LDLRAD4: variants seen among roughly 807,000 people sequenced by gnomAD.
LDLRAD4 encodes the protein low-density lipoprotein receptor class A domain-containing protein 4.
A neutral mutation model predicts 17.0 loss-of-function variants in LDLRAD4; 5 were observed. That is an observed-to-expected ratio of 0.29 (90% CI 0.15 to 0.62). The LOEUF is 0.62. LDLRAD4 is among the 20% of genes least tolerant of loss of function. LDLRAD4 has a pLI of 0.84. For synonymous variants in LDLRAD4, 168 were observed against 171.8 expected, an observed-to-expected ratio of 0.98 and a Z score of 0.17; for missense variants, 340 against 424.7, an observed-to-expected ratio of 0.80 and a Z score of 1.75.
Position 13,267,567 on chromosome 18 carries a change from G to A in LDLRAD4, c.-466-10538G>A, listed in dbSNP as rs186904964. Among the ~76,000 whole-genome samples, 158 of 152,358 alleles carry A rather than the reference G, an allele frequency of 1.0e-3. 8 individuals are homozygous for A. In the South Asian group the frequency reaches 0.031, roughly 30 times the overall value. ...TTTGGTGTTTGCATGTATGAGATCA[G>A]CCGTCAGTTTTCGCTCAGATCCAGC... is the stretch of plus-strand genomic sequence containing the variant. On this transcript the variant is annotated intron_variant, in intron 1 of 5. Transcript: ENST00000399848.
chr18:13,639,767 A>AT (rs1043887774), intron 4 of LDLRAD4, among the ~76,000 whole-genome samples: 1 of 152,114 alleles, frequency 6.6e-6, no homozygotes, highest in African/African-American at 2.4e-5. Flanking sequence ...AAGTAAATAA[A>AT]TTGGGGCAGG....
intron 4 of LDLRAD4, among the ~76,000 whole-genome samples, chr18:13,633,678 CA>C (rs1452950818): frequency 1.3e-5 from 2 of 152,236 alleles, no homozygotes; most frequent in African/African-American, 2.4e-5. Flanking sequence ...AGCTTTGCTC[CA>C]AAATTGGAGC....
At chr18:13,268,532 C>T (rs762828493) in intron 1 of LDLRAD4, among the ~76,000 whole-genome samples, 4 of 152,216 alleles carry the variant, frequency 2.6e-5, no homozygotes, top group Non-Finnish European at 5.9e-5. Flanking sequence ...TGGAATGCAG[C>T]CTTGTTAAGT....
chr18:13,297,700 C>T (rs537136777), intron 1 of LDLRAD4, among the ~76,000 whole-genome samples: 2 of 152,086 alleles, frequency 1.3e-5, no homozygotes, highest in South Asian at 4.1e-4. Flanking sequence ...CTTGGGAGGC[C>T]GAGACAGGAG....
chr18:13,391,667 G>A (rs1400027643), intron 2 of LDLRAD4, among the ~76,000 whole-genome samples: 2 of 122,888 alleles, frequency 1.6e-5, no homozygotes, highest in Non-Finnish European at 1.8e-5. Context: ...AACTCGGAAA[G>A]CGCAAGAGTC....
intron 1 of LDLRAD4, among the ~76,000 whole-genome samples, chr18:13,249,962 A>G (rs1307713941): frequency 1.3e-5 from 2 of 152,124 alleles, no homozygotes; most frequent in Non-Finnish European, 1.5e-5. Flanking sequence ...ATTTTTCTGC[A>G]TATGCATATA....
chr18:13,325,743 T>C (rs2081493093), intron 1 of LDLRAD4, among the ~76,000 whole-genome samples: 1 of 151,882 alleles, frequency 6.6e-6, no homozygotes, highest in Non-Finnish European at 1.5e-5. Context: ...GGGATGGCAA[T>C]ATAAACTTTT....
chr18:13,254,606 T>C (rs2043404291), intron 1 of LDLRAD4, among the ~76,000 whole-genome samples: 1 of 152,188 alleles, frequency 6.6e-6, no homozygotes, highest in African/African-American at 2.4e-5. Context: ...GCCGAGTCCT[T>C]ACTCTGACCT....
chr18:13,627,043 GC>G (rs1226151561), intron 4 of LDLRAD4, among the ~76,000 whole-genome samples: 1 of 152,192 alleles, frequency 6.6e-6, no homozygotes, highest in Non-Finnish European at 1.5e-5. Flanking sequence ...GCCGAGGTGG[GC>G]AGATCACTTG....
intron 4 of LDLRAD4, among the ~76,000 whole-genome samples, chr18:13,641,443 A>C (rs1389626456): frequency 1.3e-5 from 2 of 152,266 alleles, no homozygotes; most frequent in Non-Finnish European, 2.9e-5. Flanking sequence ...GAATAGAGAG[A>C]AACAGATTAG....
chr18:13,361,511 A>C (rs754822750), intron 1 of LDLRAD4, among the ~76,000 whole-genome samples: 1 of 152,214 alleles, frequency 6.6e-6, no homozygotes, highest in Admixed American at 6.5e-5. Context: ...CAGAAGGGAT[A>C]GCCAATTTCA....
intron 3 of LDLRAD4, among the ~76,000 whole-genome samples, chr18:13,482,455 C>T (rs1372590730): frequency 6.6e-6 from 1 of 152,242 alleles, no homozygotes. Flanking sequence ...TGGCAAAAAA[C>T]ACTCAGCTGA....
At chr18:13,407,330 A>G (rs1179614891) in intron 2 of LDLRAD4, among the ~76,000 whole-genome samples, 1 of 152,176 alleles carries the variant, frequency 6.6e-6, no homozygotes, top group African/African-American at 2.4e-5. Context: ...TTTCTTCATC[A>G]TAGCATTAGA....
In LDLRAD4 at chr18:13,458,208, T is replaced by TACACC. The variant is rs2092246394; in HGVS notation, c.181+19827_181+19831dup. On this transcript the variant is annotated intron_variant, in intron 3 of 5. Transcript: ENST00000359446. ...GCTGAGCAGGAGCCGTGGAGGGGTC[T>TACACC]ACACCACTCTGCTGACTCTGCGTGA... is the stretch of plus-strand genomic sequence containing the variant. Among the ~76,000 whole-genome samples the TACACC allele has an allele frequency of 2.0e-5, 3 of 152,348 alleles. No homozygotes were observed. In the South Asian group the frequency reaches 6.2e-4, roughly 32 times the overall value.
intron 3 of LDLRAD4, among the ~76,000 whole-genome samples, chr18:13,490,996 G>C (rs1259693274): frequency 6.6e-6 from 1 of 152,170 alleles, no homozygotes; most frequent in Non-Finnish European, 1.5e-5. Context: ...GTGAATCACT[G>C]GGCTGCCATA....
At chr18:13,521,897 TC>T (rs2093958876) in intron 3 of LDLRAD4, 2 of 150,228 alleles carry the variant, frequency 1.3e-5, no homozygotes, top group South Asian at 4.3e-4. Flanking sequence ...AGTAATCAGC[TC>T]CAAGACTTGG....
intron 2 of LDLRAD4, 77 bp downstream of exon 3, chr18:13,387,839 T>C (rs1258034566): frequency 7.6e-7 from 1 of 1,315,760 alleles, no homozygotes; most frequent in African/African-American, 1.4e-5. Flanking sequence ...CTGCATGCAG[T>C]GAACCTACCT....
chr18:13,386,145 A>T (rs2085780453), intron 1 of LDLRAD4, among the ~76,000 whole-genome samples: 1 of 152,220 alleles, frequency 6.6e-6, no homozygotes, highest in Non-Finnish European at 1.5e-5. Flanking sequence ...TTGATGATGA[A>T]AAAGAAGAAT....
intron 4 of LDLRAD4, among the ~76,000 whole-genome samples, chr18:13,635,744 T>A (rs1320111524): frequency 6.6e-6 from 1 of 152,174 alleles, no homozygotes; most frequent in African/African-American, 2.4e-5. Flanking sequence ...TCCATAGATA[T>A]AGGAATAATA....
Sources: allele counts gnomAD v4.1 joint callset (sites outside exome capture counted in the v4.1 genomes callset), GRCh38; gene constraint gnomAD v4.1.1; transcripts MANE v1.5; gene names NCBI Gene and HGNC (gene_info 2026-07-23, HGNC 2026-07-21).